Variants in LHFPL6 observed in about 807,000 individuals in gnomAD.
LHFPL6 encodes LHFPL tetraspan subfamily member 6.
Under a neutral mutation model 20.6 loss-of-function variants are expected in LHFPL6, and 9 were observed. The ratio of observed to expected loss-of-function variants is 0.44; its 90% CI spans 0.26 to 0.76. The LOEUF (loss-of-function observed/expected upper bound fraction) is 0.76. Ranked by LOEUF, LHFPL6 falls within the 30% of genes least tolerant of loss-of-function variation. LHFPL6 has a pLI of 0.20. For synonymous variants in LHFPL6, 105 were observed against 98.7 expected (o/e 1.06, Z -0.38); for missense variants, 218 against 253.5 (o/e 0.86, Z 0.95).
At chr13:39,484,778 G>A (rs2138448276) in intron 2 of LHFPL6, among the ~76,000 whole-genome samples, 1 of 152,262 alleles carries the variant, frequency 6.6e-6, no homozygotes, top group Non-Finnish European at 1.5e-5. Context: ...CTCACTTGCG[G>A]AGGGGGATGA....
At chr13:39,362,492 G>A (rs1869899373) in intron 3 of LHFPL6, among the ~76,000 whole-genome samples, 1 of 152,214 alleles carries the variant, frequency 6.6e-6, no homozygotes, top group African/African-American at 2.4e-5. Context: ...ATGGGTGTAT[G>A]TATATGTATA....
chr13:39,407,054 G>A (rs1273861064), intron 2 of LHFPL6, among the ~76,000 whole-genome samples: 1 of 152,194 alleles, frequency 6.6e-6, no homozygotes, highest in East Asian at 1.9e-4. Context: ...GATTAAAGCC[G>A]TATCTTTGTT....
intron 2 of LHFPL6, among the ~76,000 whole-genome samples, chr13:39,417,175 T>C (rs1871370513): frequency 6.6e-6 from 1 of 152,160 alleles, no homozygotes; most frequent in African/African-American, 2.4e-5. Context: ...CTTATTCATA[T>C]CCCTCTTGAA....
At chr13:39,539,501 C>T (rs1593355049) in intron 2 of LHFPL6, among the ~76,000 whole-genome samples, 1 of 152,180 alleles carries the variant, frequency 6.6e-6, no homozygotes, top group African/African-American at 2.4e-5. Context: ...ACCACTGCAA[C>T]CCAGCTCATT....
At chr13:39,472,920 AT>A (rs1872987041) in intron 2 of LHFPL6, among the ~76,000 whole-genome samples, 1 of 152,112 alleles carries the variant, frequency 6.6e-6, no homozygotes, top group Non-Finnish European at 1.5e-5. Context: ...CCCCTTCTTT[AT>A]TAACAACAGG....
intron 2 of LHFPL6, among the ~76,000 whole-genome samples, chr13:39,563,899 T>A (rs1413961806): frequency 2.6e-5 from 4 of 152,130 alleles, no homozygotes; most frequent in Admixed American, 2.0e-4. Flanking sequence ...CCCCTGAAAA[T>A]GAGGCTAATA....
At position 39,593,552 on chromosome 13, in the gene LHFPL6, T is replaced by C. The variant is rs1392445319; in HGVS notation, c.385+7280A>G. ...TGGCCATACTGCCCAAGGTAATTTA[T>C]AGATTCAATGCCATCCCCATCAAGC... On this transcript the variant is annotated intron_variant, in intron 2 of 3. Coordinates refer to ENST00000379589, the MANE Select transcript of LHFPL6 (RefSeq NM_005780.3). Among the ~76,000 whole-genome samples the C allele has an allele frequency of 3.1e-4, 47 of 151,848 alleles. 1 individual carries two copies. Among genetic ancestry groups the C allele is most frequent in the Admixed American group, 6.6e-5 (1 of 15,238 alleles).
At chr13:39,468,412 G>C (rs1223455011) in intron 2 of LHFPL6, among the ~76,000 whole-genome samples, 1 of 151,970 alleles carries the variant, frequency 6.6e-6, no homozygotes, top group South Asian at 2.1e-4. Context: ...TGGGCAGCAG[G>C]AACTGTGTGC....
intron 2 of LHFPL6, among the ~76,000 whole-genome samples, chr13:39,476,486 G>T (rs542873984): frequency 8.3e-4 from 126 of 152,236 alleles, no homozygotes; most frequent in African/African-American, 2.9e-3. Context: ...AGAATTATTT[G>T]GTCCTTGGCA....
intron 2 of LHFPL6, among the ~76,000 whole-genome samples, chr13:39,574,953 C>T (rs768838936): frequency 5.3e-5 from 8 of 152,120 alleles, no homozygotes; most frequent in Non-Finnish European, 1.0e-4. Context: ...CGCCGGTAAT[C>T]CCAGCTACTC....
chr13:39,589,668 A>G (rs566204489), intron 2 of LHFPL6, among the ~76,000 whole-genome samples: 27 of 152,288 alleles, frequency 1.8e-4, no homozygotes, highest in Admixed American at 1.7e-3. Context: ...TGGTTTTGTT[A>G]TTTAAGAAAT....
chr13:39,364,977 T>C (rs983345848), intron 3 of LHFPL6, among the ~76,000 whole-genome samples: 55 of 152,212 alleles, frequency 3.6e-4, no homozygotes, highest in African/African-American at 1.2e-3. Context: ...TGGTGGCCTT[T>C]GTGTTCACAC....
chr13:39,398,550 C>T (rs1336716364), intron 2 of LHFPL6, among the ~76,000 whole-genome samples: 1 of 152,164 alleles, frequency 6.6e-6, no homozygotes. Flanking sequence ...AGAAGTGATA[C>T]ATTTTACCAG....
At chr13:39,371,237 T>TA (rs1168537080) in intron 3 of LHFPL6, among the ~76,000 whole-genome samples, 1 of 152,198 alleles carries the variant, frequency 6.6e-6, no homozygotes, top group Admixed American at 6.5e-5. Flanking sequence ...AAGCAATAAT[T>TA]ACTCAAATTT....
In LHFPL6 at chr13:39,387,949, T is replaced by C. The variant is rs545955600; in HGVS notation, c.386-9423A>G. 4.3e-4 allele frequency among the ~76,000 whole-genome samples: 66 copies of C among 152,292 alleles called. 2 individuals carry two copies. The South Asian group carries it at 0.013, about 31-fold the overall frequency. On this transcript the variant is annotated intron_variant, in intron 2 of 3. Transcript: ENST00000379589. The stretch of plus-strand genomic sequence containing the variant: ...GGCTCTTGGAAACCCTGCAAATCCC[T>C]TTCCTGGGGGCCGGTGAGTGAGAAC...
chr13:39,418,382 C>CTTTTTTTTTTTTTTT (rs71077297), intron 2 of LHFPL6, among the ~76,000 whole-genome samples: 1 of 129,738 alleles, frequency 7.7e-6, no homozygotes, highest in Non-Finnish European at 1.6e-5. Flanking sequence ...TTTTTTTGGT[C>CTTTTTTTTTTTTTTT]TTTTTTTTTT....
intron 2 of LHFPL6, among the ~76,000 whole-genome samples, chr13:39,517,553 GAT>G (rs1169074762): frequency 2.6e-5 from 4 of 152,164 alleles, no homozygotes; most frequent in African/African-American, 9.7e-5. Flanking sequence ...CTGAGCTCCA[GAT>G]ACAAATTTCT....
intron 2 of LHFPL6, among the ~76,000 whole-genome samples, chr13:39,483,724 C>T (rs1185128198): frequency 6.6e-6 from 1 of 152,038 alleles, no homozygotes; most frequent in Non-Finnish European, 1.5e-5. Context: ...AAGATGGGGC[C>T]ATGAATGTAA....
intron 3 of LHFPL6, among the ~76,000 whole-genome samples, chr13:39,348,240 T>C (rs1291423408): frequency 2.6e-5 from 4 of 152,198 alleles, no homozygotes; most frequent in Non-Finnish European, 4.4e-5. Flanking sequence ...TTGCTGGTTC[T>C]GGACTCTCAA....
Sources: gnomAD v4.1 joint callset for allele counts (sites outside exome capture counted in the v4.1 genomes callset) on GRCh38, gnomAD v4.1.1 for gene constraint, MANE v1.5 for transcripts, NCBI Gene and HGNC (gene_info 2026-07-23, HGNC 2026-07-21) for gene names.